Variants in PUS7L observed in about 807,000 individuals in gnomAD.
The protein encoded by PUS7L is pseudouridine synthase 7 like.
Under a neutral mutation model 51.1 loss-of-function variants are expected in PUS7L, and 49 were observed. That is an observed-to-expected ratio of 0.96 (90% confidence interval 0.76 to 1.22). PUS7L has a LOEUF of 1.22. Ranked by LOEUF, PUS7L falls within the 50% of genes most tolerant of loss-of-function variation. The probability of loss-of-function intolerance (pLI) is 0.00; values close to 1 mark genes in which losing one functional copy is unlikely to be tolerated. For missense variants in PUS7L, 828 were observed against 820.6 expected (o/e 1.01, Z -0.11); for synonymous variants, 277 against 276.2 (o/e 1.00, Z -0.03).
chr12:43,729,347 A>T lies in PUS7L; in HGVS notation c.*1029T>A, dbSNP rs760449777. On this transcript the variant is annotated 3_prime_UTR_variant, in exon 9 of 9. Coordinates refer to ENST00000344862, the MANE Select transcript of PUS7L (RefSeq NM_031292.5). Reference sequence around the variant, plus strand: ...TCACATTACTGATATATAATGCTCCATACTGCTTTTTAAATTTCATCATTA... The same window carrying T: ...TCACATTACTGATATATAATGCTCCTTACTGCTTTTTAAATTTCATCATTA... 5 of 392,208 alleles carry T rather than the reference A, an allele frequency of 1.3e-5. No individual in the cohort carries two copies. Among genetic ancestry groups the T allele is most frequent in the African/African-American group, 4.1e-5 (2 of 48,510 alleles). The allele number at this position is 392,208 out of a possible 1,614,324, so 24.3% of individuals were successfully genotyped here.
chr12:43,758,653 C>CGGCG, intron 1 of PUS7L, 77 bp downstream of exon 1: 1 of 499,678 alleles, frequency 2.0e-6, no homozygotes, highest in Non-Finnish European at 2.3e-6. Context: ...CCAACCTCGT[C>CGGCG]ACCCCCCCCC....
Position 43,754,387 on chromosome 12 carries a change from G to A in PUS7L, c.859C>T (p.Arg287Cys), listed in dbSNP as rs757386970. 8.7e-6 allele frequency: 14 copies of A among 1,610,494 alleles called. No individual in the cohort carries two copies. Among genetic ancestry groups the A allele is most frequent in the East Asian group, 2.2e-5 (1 of 44,858 alleles). The stretch of plus-strand genomic sequence containing the variant: ...CATTCAGAAAGAGGCCTTTTCCCAC[G>A]TTTGTGTGCTTTTTCCCGAAATCTT... ...TVRFREKAHK[R>C]GKRPLSECQE... The change falls in exon 2 of 9, where the codon CGT becomes TGT. Residue 287 changes from arginine (R) to cysteine (C), a missense_variant. Physicochemically the swap from Arg to Cys is radical, Grantham distance 180. Transcript: ENST00000344862.
In PUS7L at chr12:43,720,668, G is replaced by A. The variant is rs1200280145; in HGVS notation, c.*9708C>T. On this transcript the variant is annotated 3_prime_UTR_variant, in exon 9 of 9. Coordinates refer to ENST00000344862, the MANE Select transcript of PUS7L (RefSeq NM_031292.5). Reference sequence around the variant, plus strand: ...AGTCAATTTCTATAAATGTCCCATGGATGCTTTAAAAGAATAGAGGTTCTG... The same window carrying A: ...AGTCAATTTCTATAAATGTCCCATGAATGCTTTAAAAGAATAGAGGTTCTG... The A allele has an allele frequency of 2.0e-5, 3 of 152,108 alleles. No homozygotes were observed. Among genetic ancestry groups the A allele is most frequent in the Admixed American group, 6.6e-5 (1 of 15,266 alleles). The allele number at this position is 152,108 out of a possible 1,614,324, so 9.4% of individuals were successfully genotyped here.
In PUS7L at chr12:43,720,051, C is replaced by T. The variant is rs1183807859; in HGVS notation, c.*10325G>A. The T allele has an allele frequency of 6.6e-6, 1 of 152,166 alleles. No individual in the cohort carries two copies. Among genetic ancestry groups the T allele is most frequent in the African/African-American group, 2.4e-5 (1 of 41,424 alleles). The allele number at this position is 152,166 out of a possible 1,614,324, so 9.4% of individuals were successfully genotyped here. A position where few individuals can be genotyped will look rare whatever the true frequency, so the allele number is the denominator to read the frequency against. On this transcript the variant is annotated 3_prime_UTR_variant, in exon 9 of 9. Transcript: ENST00000344862. ...GCATAGCTACATAATGTACAGACTT[C>T]CTTCTTTTCTACCATAAGCATTTAT...
intron 4 of PUS7L, among the ~76,000 whole-genome samples, chr12:43,745,204 G>C (rs1752031686): frequency 6.6e-6 from 1 of 152,162 alleles, no homozygotes; most frequent in Non-Finnish European, 1.5e-5. Flanking sequence ...GTCTAGTCTT[G>C]AAAACTATAG....
In PUS7L at chr12:43,730,348, A is replaced by G. The variant is rs775304199; in HGVS notation, c.*28T>C. The G allele has an allele frequency of 6.4e-7, 1 of 1,561,772 alleles. No individual in the cohort carries two copies. Among genetic ancestry groups the G allele is most frequent in the Non-Finnish European group, 8.8e-7 (1 of 1,136,214 alleles). Reference sequence around the variant, plus strand: ...CCCCCTTTCCTTCAAAGAGTGACATATATATGGTTATACCAAGGGTATCAG... The same window carrying G: ...CCCCCTTTCCTTCAAAGAGTGACATGTATATGGTTATACCAAGGGTATCAG... On this transcript the variant is annotated 3_prime_UTR_variant, in exon 9 of 9. Coordinates refer to ENST00000344862, the MANE Select transcript of PUS7L (RefSeq NM_031292.5).
At chr12:43,735,233 C>T (rs981917601) in intron 7 of PUS7L, among the ~76,000 whole-genome samples, 2 of 151,968 alleles carry the variant, frequency 1.3e-5, no homozygotes, top group East Asian at 1.9e-4. Context: ...AGGAGAATGG[C>T]GTGAACCCGG....
chr12:43,738,487 G>A lies in PUS7L; in HGVS notation c.1363-96C>T, dbSNP rs1283658017. The A allele has an allele frequency of 5.9e-6, 4 of 678,978 alleles. No homozygotes were observed. The Admixed American group carries it at 8.1e-5, about 14-fold the overall frequency. The allele number at this position is 678,978 out of a possible 1,614,324, so 42.1% of individuals were successfully genotyped here. A position where few individuals can be genotyped will look rare whatever the true frequency, so the allele number is the denominator to read the frequency against. ...ATTCTCTAGCATCCTAAAAGAATAG[G>A]GATTTAATAATTATACTTGATGCTG... On this transcript the variant is annotated intron_variant, in intron 5 of 8. Transcript: ENST00000344862.
In PUS7L at chr12:43,729,780, T is replaced by C. The variant is rs1944507976; in HGVS notation, c.*596A>G. The C allele has an allele frequency of 6.6e-6, 1 of 152,406 alleles. No individual in the cohort carries two copies. The highest frequency in any genetic ancestry group is 2.4e-5 in the African/African-American group (1 of 41,438). The allele number at this position is 152,406 out of a possible 1,614,324, so 9.4% of individuals were successfully genotyped here. Reference sequence around the variant, plus strand: ...AAGAGGGTCAGCGTATGCCAAGATATAAAAATTGGATGAGAAATTGTATTT... The same window carrying C: ...AAGAGGGTCAGCGTATGCCAAGATACAAAAATTGGATGAGAAATTGTATTT... On this transcript the variant is annotated 3_prime_UTR_variant, in exon 9 of 9. Transcript: ENST00000344862.
At chr12:43,736,823 A>C in intron 6 of PUS7L, 162 bp from the exon 7 acceptor site, 1 of 576,166 alleles carries the variant, frequency 1.7e-6, no homozygotes, top group Non-Finnish European at 3.0e-6. Context: ...TTTAAAAAAA[A>C]TAATAAGCAT....
At position 43,742,373 on chromosome 12, in the gene PUS7L, T is replaced by C. The variant is rs547975230; in HGVS notation, c.1362+84A>G. The C allele has an allele frequency of 8.0e-5, 72 of 898,596 alleles. 1 individual carries two copies. In the African/African-American group the frequency reaches 1.1e-3, roughly 14 times the overall value. The allele number at this position is 898,596 out of a possible 1,614,324, so 55.7% of individuals were successfully genotyped here. A position where few individuals can be genotyped will look rare whatever the true frequency, so the allele number is the denominator to read the frequency against. On this transcript the variant is annotated intron_variant, in intron 5 of 8. Transcript: ENST00000344862. ...TGAGTGTTTACATGCATTTATATGC[T>C]AGAGTTAAGAAAGCAAGGAGCTGGG...
At chr12:43,741,848 T>C (rs139742539) in intron 5 of PUS7L, among the ~76,000 whole-genome samples, 2 of 152,312 alleles carry the variant, frequency 1.3e-5, no homozygotes, top group Non-Finnish European at 2.9e-5. Context: ...GTGAACGAGA[T>C]ACTATCATAA....
rs900516842 is a variant in PUS7L at position 43,738,321 on chromosome 12, A to C, written c.1433T>G (p.Phe478Cys). 5.8e-6 allele frequency: 9 copies of C among 1,556,146 alleles called. No individual in the cohort carries two copies. In the African/African-American group the frequency reaches 1.2e-4, roughly 21 times the overall value. ...DDPVNRAKKY[F>C]LQTEDAKGTL... is the part of the protein sequence containing the mutation. ...AGAAACGTAAATACCAGTTTGAAGA[A>C]AATACTTCTTTGCTCTATTTACAGG... Residue 478 changes from phenylalanine to cysteine, a missense_variant, in exon 6 of 9, where the codon TTT becomes TGT. Physicochemically the swap from Phe to Cys is radical, Grantham distance 205. Transcript: ENST00000344862.
rs1260822930 is a variant in PUS7L, at chr12:43,722,953, C to T, written c.*7423G>A. 3.3e-5 allele frequency: 5 copies of T among 152,124 alleles called. No individual in the cohort carries two copies. Among genetic ancestry groups the T allele is most frequent in the African/African-American group, 9.6e-5 (4 of 41,456 alleles). 9.4% of individuals were successfully genotyped at this position (152,124 alleles called of 1,614,324 possible). A position where few individuals can be genotyped will look rare whatever the true frequency, so the allele number is the denominator to read the frequency against. On this transcript the variant is annotated 3_prime_UTR_variant, in exon 9 of 9. Coordinates refer to ENST00000344862, the MANE Select transcript of PUS7L (RefSeq NM_031292.5). ...GTTAAGGAGTGACCAGCTCTTTGATCTCTTCTCTTTTAAAATAACCAAATA... is the reference window on the plus strand; with the variant it reads ...GTTAAGGAGTGACCAGCTCTTTGATTTCTTCTCTTTTAAAATAACCAAATA...
rs1410676736 is a variant in PUS7L, at chr12:43,722,498, A to T, written c.*7878T>A. The T allele has an allele frequency of 6.6e-6, 1 of 152,130 alleles. No homozygotes were observed. The highest frequency in any genetic ancestry group is 1.5e-5 in the Non-Finnish European group (1 of 67,970). The allele number at this position is 152,130 out of a possible 1,614,324, so 9.4% of individuals were successfully genotyped here. A position where few individuals can be genotyped will look rare whatever the true frequency, so the allele number is the denominator to read the frequency against. Reference sequence around the variant, plus strand: ...AGAATAACTGCTTCCCAGATTTGCTATTGCCTCCTAAATGTGAAAATTATA... The same window carrying T: ...AGAATAACTGCTTCCCAGATTTGCTTTTGCCTCCTAAATGTGAAAATTATA... On this transcript the variant is annotated 3_prime_UTR_variant, in exon 9 of 9. Transcript: ENST00000344862.
In PUS7L at chr12:43,736,639, T is replaced by A. The variant is rs374979366; in HGVS notation, c.1467A>T (p.Ser489=). 34 of 1,613,810 alleles carry A rather than the reference T, an allele frequency of 2.1e-5. No individual in the cohort carries two copies. Among genetic ancestry groups the A allele is most frequent in the African/African-American group, 2.7e-5 (2 of 74,850 alleles). Residue 489 remains serine (S), a synonymous_variant, in exon 7 of 9, where the codon TCA becomes TCT. Transcript: ENST00000344862. Reference sequence around the variant, plus strand: ...CACGCACTTTGAATTCAGGCATCAATGAAAGTGTGCCTTTAGCATCCTCTG... The same window carrying A: ...CACGCACTTTGAATTCAGGCATCAAAGAAAGTGTGCCTTTAGCATCCTCTG... The part of the protein sequence containing the change: ...LQTEDAKGTL[S]LMPEFKVRER...
intron 4 of PUS7L, among the ~76,000 whole-genome samples, chr12:43,745,757 A>G (rs1938134776): frequency 6.6e-6 from 1 of 152,218 alleles, no homozygotes; most frequent in South Asian, 2.1e-4. Flanking sequence ...ATGCTTAAAA[A>G]AAATCTCTCT....
chr12:43,755,140 C>T lies in PUS7L; in HGVS notation c.106G>A (p.Val36Ile), dbSNP rs202236380. ...TGTCCCTGTTCATCAATTTCAATAA[C>T]AATAAAGTCACTTGGTGAGCTTTTT... ...TIKSSPSDFI[V>I]IEIDEQGQLV... The change falls in exon 2 of 9, where the codon GTT becomes ATT. Residue 36 changes from valine (V) to isoleucine (I), a missense_variant. Physicochemically the swap from Val to Ile is conservative, Grantham distance 29. Coordinates refer to ENST00000344862, the MANE Select transcript of PUS7L (RefSeq NM_031292.5). The T allele has an allele frequency of 2.1e-5, 34 of 1,613,506 alleles. 1 individual carries two copies. In the South Asian group the frequency reaches 3.0e-4, roughly 14 times the overall value.
intron 2 of PUS7L, among the ~76,000 whole-genome samples, chr12:43,753,692 C>G (rs1938559767): frequency 6.6e-6 from 1 of 152,106 alleles, no homozygotes. Context: ...GACCCTAAAA[C>G]AGTGATTCTC....
Sources: gnomAD v4.1 joint callset for allele counts (sites outside exome capture counted in the v4.1 genomes callset) on GRCh38, gnomAD v4.1.1 for gene constraint, MANE v1.5 for transcripts, NCBI Gene and HGNC (gene_info 2026-07-23, HGNC 2026-07-21) for gene names.